The following PCED1B variants were observed in gnomAD, a reference collection of about 807,000 sequenced individuals.
The protein encoded by PCED1B is PC-esterase domain-containing protein 1B.
For synonymous variants in PCED1B, 251 were observed against 246.1 expected (o/e 1.02, Z -0.19); for missense variants, 573 against 573.9 (o/e 1.00, Z 0.02).
intron 3 of PCED1B, among the ~76,000 whole-genome samples, chr12:47,220,088 AAAGAAG>A (rs1555155818): frequency 7.5e-6 from 1 of 133,152 alleles, no homozygotes; most frequent in Admixed American, 7.5e-5. Context: ...AAAAAAAAAA[AAAGAAG>A]AAGAAGAAGA....
At chr12:47,100,407 C>T (rs1429652223) in intron 1 of PCED1B, among the ~76,000 whole-genome samples, 1 of 152,154 alleles carries the variant, frequency 6.6e-6, no homozygotes, top group South Asian at 2.1e-4. Flanking sequence ...AATGAATATT[C>T]TTGTCTTCTT....
At chr12:47,099,472 TC>T (rs1228753243) in intron 1 of PCED1B, among the ~76,000 whole-genome samples, 6 of 152,230 alleles carry the variant, frequency 3.9e-5, no homozygotes, top group African/African-American at 1.2e-4. Context: ...TACTCACTGC[TC>T]TCACACTAGC....
rs565699839 is a variant in PCED1B, at chr12:47,197,333, G to A, written c.-525-18889G>A. 1.1e-4 allele frequency among the ~76,000 whole-genome samples: 17 copies of A among 151,176 alleles called. No individual in the cohort carries two copies. The East Asian group carries it at 3.3e-3, about 30-fold the overall frequency. ...TATTAAAATACAATGATAGCCCGGTGCAGTGGCTCACGCCTGTAATCCCAG... is the reference window on the plus strand; with the variant it reads ...TATTAAAATACAATGATAGCCCGGTACAGTGGCTCACGCCTGTAATCCCAG... On this transcript the variant is annotated intron_variant, in intron 2 of 3. Coordinates refer to ENST00000546455, the MANE Select transcript of PCED1B (RefSeq NM_138371.3).
rs573040214 is a variant in PCED1B at position 47,225,066 on chromosome 12, G to A, written c.-58+8377G>A. Among the ~76,000 whole-genome samples, 44 of 152,214 alleles carry A rather than the reference G, an allele frequency of 2.9e-4. No homozygotes were observed. The East Asian group carries it at 7.7e-3, about 27-fold the overall frequency. The stretch of plus-strand genomic sequence containing the variant: ...CCTGCCTCAGCCTCCCAAGTAGCTC[G>A]GATTACAGGCACGTGCCACCATGCC... On this transcript the variant is annotated intron_variant, in intron 3 of 3. Coordinates refer to ENST00000546455, the MANE Select transcript of PCED1B (RefSeq NM_138371.3).
At chr12:47,111,537 T>C (rs531721903) in intron 2 of PCED1B, among the ~76,000 whole-genome samples, 33 of 152,228 alleles carry the variant, frequency 2.2e-4, no homozygotes, top group African/African-American at 7.2e-4. Flanking sequence ...CACAAGACTC[T>C]TTCCGTCTTG....
At chr12:47,127,923 A>G (rs189588618) in intron 2 of PCED1B, among the ~76,000 whole-genome samples, 28 of 152,174 alleles carry the variant, frequency 1.8e-4, no homozygotes, top group Admixed American at 5.9e-4. Flanking sequence ...ATATGTTTCA[A>G]CTGTTGAGAG....
At chr12:47,106,219 T>G (rs778430008) in intron 2 of PCED1B, among the ~76,000 whole-genome samples, 11 of 152,102 alleles carry the variant, frequency 7.2e-5, no homozygotes, top group African/African-American at 1.2e-4. Flanking sequence ...ATACACATTT[T>G]TATCAAAAAA....
intron 2 of PCED1B, among the ~76,000 whole-genome samples, chr12:47,198,966 CAA>C (rs374155461): frequency 1.5e-5 from 2 of 131,254 alleles, no homozygotes; most frequent in Non-Finnish European, 3.2e-5. Context: ...AACTCCATCT[CAA>C]AAAAAAAAAG....
chr12:47,236,545 T>C lies in PCED1B; in HGVS notation c.*183T>C. 3.2e-6 allele frequency: 2 copies of C among 615,578 alleles called. No homozygotes were observed. The highest frequency in any genetic ancestry group is 3.0e-5 in the South Asian group (1 of 33,792). 38.1% of individuals were successfully genotyped at this position (615,578 alleles called of 1,614,324 possible). A position where few individuals can be genotyped will look rare whatever the true frequency, so the allele number is the denominator to read the frequency against. On this transcript the variant is annotated 3_prime_UTR_variant, in exon 4 of 4. Coordinates refer to ENST00000546455, the MANE Select transcript of PCED1B (RefSeq NM_138371.3). ...GAAGAGCAGCCTGACTCATTCTTCT[T>C]GGCTGCAGCCTCTTCCCCACTTCCT...
At chr12:47,116,596 T>C (rs147097884) in intron 2 of PCED1B, among the ~76,000 whole-genome samples, 61 of 152,336 alleles carry the variant, frequency 4.0e-4, no homozygotes, top group African/African-American at 1.4e-3. Flanking sequence ...TAGTATAGTA[T>C]AAGGTTTTAA....
chr12:47,217,470 G>GAAAGAAAGAAAGAAAGAAAGAA (rs1555155044), intron 3 of PCED1B, among the ~76,000 whole-genome samples: 17 of 90,918 alleles, frequency 1.9e-4, no homozygotes, highest in East Asian at 1.0e-3. Flanking sequence ...AAGAAAGAAA[G>GAAAGAAAGAAAGAAAGAAAGAA]AGAAAGAAAG....
chr12:47,107,904 C>T (rs1452784318), intron 2 of PCED1B, among the ~76,000 whole-genome samples: 1 of 152,160 alleles, frequency 6.6e-6, no homozygotes, highest in Non-Finnish European at 1.5e-5. Flanking sequence ...TTGCTAATTA[C>T]ATGCTGGGTG....
chr12:47,230,170 C>T (rs1943760607), intron 3 of PCED1B, among the ~76,000 whole-genome samples: 1 of 146,226 alleles, frequency 6.8e-6, no homozygotes, highest in Non-Finnish European at 1.5e-5. Context: ...CTACAAGTTC[C>T]GCCTCCCAGG....
chr12:47,141,047 T>G (rs915395430), intron 2 of PCED1B, among the ~76,000 whole-genome samples: 2 of 152,180 alleles, frequency 1.3e-5, no homozygotes, highest in African/African-American at 4.8e-5. Context: ...AGGATGAGAC[T>G]GTATAATGGT....
chr12:47,164,889 T>C (rs1378991896), intron 2 of PCED1B, among the ~76,000 whole-genome samples: 1 of 152,190 alleles, frequency 6.6e-6, no homozygotes, highest in Non-Finnish European at 1.5e-5. Flanking sequence ...ATGAATTGGC[T>C]GAAATAGCCA....
chr12:47,186,502 G>A (rs1319599522), intron 2 of PCED1B, among the ~76,000 whole-genome samples: 1 of 152,026 alleles, frequency 6.6e-6, no homozygotes, highest in Non-Finnish European at 1.5e-5. Flanking sequence ...TTCACAAGGG[G>A]AGCTTATGTT....
intron 2 of PCED1B, among the ~76,000 whole-genome samples, chr12:47,180,146 T>C (rs1942049165): frequency 6.6e-6 from 1 of 152,216 alleles, no homozygotes; most frequent in African/African-American, 2.4e-5. Flanking sequence ...TATGTGTCTA[T>C]GTGTTCTCAT....
chr12:47,192,840 C>A (rs1942487897), intron 2 of PCED1B, among the ~76,000 whole-genome samples: 1 of 152,214 alleles, frequency 6.6e-6, no homozygotes, highest in Non-Finnish European at 1.5e-5. Context: ...TTAACCCCAA[C>A]TGAGGAAACT....
chr12:47,101,077 A>C (rs201661303), intron 1 of PCED1B, among the ~76,000 whole-genome samples: 27 of 52,146 alleles, frequency 5.2e-4, no homozygotes, highest in African/African-American at 1.6e-3. Flanking sequence ...TCAAAAAAAG[A>C]AAAAAAAAAG....
Sources: gnomAD v4.1 joint callset for allele counts (sites outside exome capture counted in the v4.1 genomes callset) on GRCh38, gnomAD v4.1.1 for gene constraint, MANE v1.5 for transcripts, NCBI Gene and HGNC (gene_info 2026-07-23, HGNC 2026-07-21) for gene names.